The following CLNK variants were observed in gnomAD, a reference collection of about 807,000 sequenced individuals.
The protein encoded by CLNK is cytokine-dependent hematopoietic cell linker.
A neutral mutation model predicts 68.6 loss-of-function variants in CLNK; 74 were observed. That is an observed-to-expected ratio of 1.08 (90% CI 0.89 to 1.31). CLNK has a LOEUF of 1.31. Among genes scored for constraint, CLNK ranks in the 50% most tolerant of loss-of-function variants. The pLI, the probability that CLNK is intolerant of heterozygous loss-of-function variation, is 0.00. For missense variants in CLNK, 553 were observed against 515.3 expected, an observed-to-expected ratio of 1.07 and a Z score of -0.71; for synonymous variants, 198 against 172.2, an observed-to-expected ratio of 1.15 and a Z score of -1.17.
intron 4 of CLNK, among the ~76,000 whole-genome samples, chr4:10,578,351 C>A (rs1022992596): frequency 1.3e-5 from 2 of 152,150 alleles, no homozygotes; most frequent in African/African-American, 4.8e-5. Flanking sequence ...TATCCACCTG[C>A]TGATTCTTCA....
At chr4:10,585,608 A>G (rs1332102519) in intron 3 of CLNK, among the ~76,000 whole-genome samples, 1 of 152,202 alleles carries the variant, frequency 6.6e-6, no homozygotes, top group Non-Finnish European at 1.5e-5. Context: ...TTCATTGGCC[A>G]ATTAAGCTCC....
At chr4:10,521,139 T>C (rs7688513) in intron 14 of CLNK, among the ~76,000 whole-genome samples, 7,904 of 152,266 alleles carry the variant, frequency 0.052, 502 homozygotes, top group African/African-American at 0.14. Context: ...GCTTTGTAGC[T>C]ACAGTCACTA....
chr4:10,552,821 G>A (rs933514213), intron 8 of CLNK, among the ~76,000 whole-genome samples: 3 of 152,060 alleles, frequency 2.0e-5, no homozygotes, highest in Non-Finnish European at 4.4e-5. Context: ...TTATGCAGTG[G>A]GCAGGAAGAA....
intron 11 of CLNK, among the ~76,000 whole-genome samples, chr4:10,534,955 A>G (rs1718685639): frequency 6.6e-6 from 1 of 152,158 alleles, no homozygotes; most frequent in African/African-American, 2.4e-5. Flanking sequence ...GTTTCTCGAT[A>G]TCTATAAAGA....
chr4:10,694,065 T>C, the CLNK span, among the ~76,000 whole-genome samples: 2 of 152,062 alleles, frequency 1.3e-5, no homozygotes, highest in African/African-American at 4.8e-5. Context: ...GCGTTTGCTA[T>C]TGGTGGTGGT....
At chr4:10,688,393 CAG>C (rs767582643), upstream of CLNK, among the ~76,000 whole-genome samples, 3 of 152,178 alleles carry the variant, frequency 2.0e-5, no homozygotes, top group East Asian at 1.9e-4. Context: ...AGAAAAAAAA[CAG>C]GGGGAAAAAC....
intron 16 of CLNK, among the ~76,000 whole-genome samples, chr4:10,508,288 C>G (rs1217269424): frequency 1.3e-5 from 2 of 152,192 alleles, no homozygotes; most frequent in East Asian, 1.9e-4. Flanking sequence ...GGTCCTTCAG[C>G]ACCACCTTCA....
At chr4:10,680,981 G>A (rs1037442633) in intron 1 of CLNK, among the ~76,000 whole-genome samples, 5 of 148,752 alleles carry the variant, frequency 3.4e-5, no homozygotes, top group Admixed American at 6.7e-5. Context: ...GAGTGAGGAC[G>A]TCCTGATATA....
chr4:10,699,310 C>CGTGTATACACACACACACCACATACGTGT, the CLNK span, among the ~76,000 whole-genome samples: 107 of 34,404 alleles, frequency 3.1e-3, 10 homozygotes, highest in African/African-American at 9.6e-3. Flanking sequence ...ACACCACATA[C>CGTGTATACACACACACACCACATACGTGT]GTGTATACAC....
chr4:10,700,974 C>G, the CLNK span, among the ~76,000 whole-genome samples: 11 of 152,064 alleles, frequency 7.2e-5, no homozygotes, highest in Non-Finnish European at 1.3e-4. Context: ...CAAATTGTTA[C>G]GACTAAATTG....
intron 8 of CLNK, among the ~76,000 whole-genome samples, chr4:10,552,165 AAT>A (rs929067128): frequency 1.3e-5 from 2 of 151,994 alleles, no homozygotes; most frequent in African/African-American, 2.4e-5. Flanking sequence ...CGAGAATTAT[AAT>A]ATTAATAGTA....
chr4:10,495,193 A>G (rs946270826), intron 18 of CLNK, among the ~76,000 whole-genome samples: 1 of 152,240 alleles, frequency 6.6e-6, no homozygotes, highest in African/African-American at 2.4e-5. Context: ...ACTTATAAAC[A>G]TTTGTAGAAC....
At chr4:10,626,491 T>G (rs749587285) in intron 2 of CLNK, among the ~76,000 whole-genome samples, 4 of 152,202 alleles carry the variant, frequency 2.6e-5, no homozygotes, top group Non-Finnish European at 5.9e-5. Context: ...CTTTCCTTTC[T>G]TTTTTGAAAT....
intron 15 of CLNK, among the ~76,000 whole-genome samples, chr4:10,518,483 G>T (rs1380729239): frequency 6.6e-6 from 1 of 152,032 alleles, no homozygotes; most frequent in African/African-American, 2.4e-5. Flanking sequence ...CTATTTTAAA[G>T]CAAAAAGAAA....
At chr4:10,727,544 T>C in the CLNK span, among the ~76,000 whole-genome samples, 24 of 152,228 alleles carry the variant, frequency 1.6e-4, no homozygotes, top group Admixed American at 2.0e-4. Context: ...TCAGCTATTC[T>C]AAAGTGTGAT....
chr4:10,727,549 T>G, the CLNK span, among the ~76,000 whole-genome samples: 6 of 152,302 alleles, frequency 3.9e-5, 1 homozygote, highest in African/African-American at 9.6e-5. Flanking sequence ...TATTCTAAAG[T>G]GTGATCAGAC....
At chr4:10,605,854 AAAG>A (rs1300682571) in intron 2 of CLNK, among the ~76,000 whole-genome samples, 2 of 151,378 alleles carry the variant, frequency 1.3e-5, no homozygotes, top group African/African-American at 2.4e-5. Flanking sequence ...AGAAAAAAGA[AAAG>A]AAAAGAAAAG....
chr4:10,560,905 T>C (rs1227271583), intron 7 of CLNK, among the ~76,000 whole-genome samples: 1 of 151,580 alleles, frequency 6.6e-6, no homozygotes, highest in Admixed American at 6.6e-5. Flanking sequence ...CCCCACCTCT[T>C]TTTTTTTCTG....
intron 5 of CLNK, among the ~76,000 whole-genome samples, chr4:10,571,028 G>A (rs1457311650): frequency 6.6e-6 from 1 of 152,086 alleles, no homozygotes; most frequent in African/African-American, 2.4e-5. Context: ...GGCTAAAAAT[G>A]GGTATTTTAA....
Sources: gnomAD v4.1 joint callset for allele counts (sites outside exome capture counted in the v4.1 genomes callset) on GRCh38, gnomAD v4.1.1 for gene constraint, MANE v1.5 for transcripts, NCBI Gene and HGNC (gene_info 2026-07-23, HGNC 2026-07-21) for gene names.